Variants in AHCYL1 observed in about 807,000 individuals in gnomAD.
AHCYL1 encodes S-adenosylhomocysteine hydrolase-like protein 1.
Under a neutral mutation model 79.3 loss-of-function variants are expected in AHCYL1, and 20 were observed. That is an observed-to-expected ratio of 0.25 (90% CI 0.18 to 0.37). The LOEUF (loss-of-function observed/expected upper bound fraction) is 0.37. Ranked by LOEUF, AHCYL1 falls within the 10% of genes least tolerant of loss-of-function variation. AHCYL1 has a pLI of 1.00. For synonymous variants in AHCYL1, 223 were observed against 242.2 expected (o/e 0.92, Z 0.74); for missense variants, 330 against 673.6 (o/e 0.49, Z 5.65).
intron 1 of AHCYL1, among the ~76,000 whole-genome samples, chr1:109,991,100 G>T (rs1217300379): frequency 6.6e-6 from 1 of 152,038 alleles, no homozygotes; most frequent in Admixed American, 6.6e-5. Context: ...TTTCATTTTT[G>T]TTTCTATCTC....
intron 5 of AHCYL1, 98 bp downstream of exon 5, chr1:110,013,097 T>G: frequency 1.2e-6 from 1 of 835,754 alleles, no homozygotes; most frequent in Non-Finnish European, 1.8e-6. Flanking sequence ...CATATATGTC[T>G]AGAGGCTATA....
chr1:109,988,155 T>C (rs1649568966), intron 1 of AHCYL1, among the ~76,000 whole-genome samples: 1 of 152,230 alleles, frequency 6.6e-6, no homozygotes, highest in Non-Finnish European at 1.5e-5. Context: ...AAAAGAATCA[T>C]AGTTACAGTC....
At chr1:110,014,674 C>G in intron 5 of AHCYL1, 89 bp from the exon 6 acceptor site, 1 of 965,424 alleles carries the variant, frequency 1.0e-6, no homozygotes, top group Non-Finnish European at 1.6e-6. Flanking sequence ...TTTCTTTTGC[C>G]TTTTTCTCTT....
At chr1:110,007,072 G>GT (rs529201790) in intron 1 of AHCYL1, among the ~76,000 whole-genome samples, 163 of 152,246 alleles carry the variant, frequency 1.1e-3, no homozygotes, top group African/African-American at 3.8e-3. Flanking sequence ...TGACTATTCG[G>GT]TTTTTAAGTT....
intron 1 of AHCYL1, among the ~76,000 whole-genome samples, chr1:109,992,603 C>T (rs927106695): frequency 6.6e-6 from 1 of 152,034 alleles, no homozygotes; most frequent in African/African-American, 2.4e-5. Context: ...ATCTTTGTTT[C>T]TAATTTTAGA....
At chr1:110,004,371 G>A (rs918546520) in intron 1 of AHCYL1, 74 of 985,372 alleles carry the variant, frequency 7.5e-5, no homozygotes, top group Non-Finnish European at 8.6e-5. Context: ...TTCTGCACAA[G>A]GGAATGGAAG....
chr1:110,009,945 G>A (rs1232571858), intron 2 of AHCYL1, among the ~76,000 whole-genome samples: 1 of 152,208 alleles, frequency 6.6e-6, no homozygotes, highest in Non-Finnish European at 1.5e-5. Context: ...ATTAATGTCA[G>A]CAGAGATATT....
intron 1 of AHCYL1, among the ~76,000 whole-genome samples, chr1:110,002,541 G>A (rs1182975423): frequency 6.6e-6 from 1 of 152,226 alleles, no homozygotes; most frequent in African/African-American, 2.4e-5. Context: ...GCCAGCTAAT[G>A]TGGAAGCATT....
At chr1:110,001,599 C>T (rs1557764483) in intron 1 of AHCYL1, among the ~76,000 whole-genome samples, 1 of 152,056 alleles carries the variant, frequency 6.6e-6, no homozygotes. Flanking sequence ...TATCATGCTA[C>T]CTTTTGAGTA....
chr1:109,994,978 T>G (rs1373084541), intron 1 of AHCYL1, among the ~76,000 whole-genome samples: 1 of 152,152 alleles, frequency 6.6e-6, no homozygotes, highest in Non-Finnish European at 1.5e-5. Flanking sequence ...GTATTGTAAG[T>G]CCAAGGAAAA....
intron 1 of AHCYL1, among the ~76,000 whole-genome samples, chr1:110,003,348 TAGAG>T (rs926068654): frequency 6.6e-6 from 1 of 152,142 alleles, no homozygotes; most frequent in Admixed American, 6.5e-5. Flanking sequence ...TGTATATATA[TAGAG>T]AGAGAAAAAA....
chr1:110,019,217 C>A, intron 14 of AHCYL1, 98 bp downstream of exon 14: 1 of 1,221,148 alleles, frequency 8.2e-7, no homozygotes, highest in Non-Finnish European at 1.2e-6. Context: ...TCTCATCATC[C>A]TATTCTTTTT....
intron 1 of AHCYL1, chr1:110,004,204 G>A: frequency 1.0e-6 from 1 of 985,632 alleles, no homozygotes. Context: ...AGAGGCGGGA[G>A]TCGGCGGGGG....
intron 1 of AHCYL1, among the ~76,000 whole-genome samples, chr1:109,990,593 T>G (rs1017174080): frequency 6.6e-6 from 1 of 152,226 alleles, no homozygotes; most frequent in African/African-American, 2.4e-5. Flanking sequence ...AATTTTTTTC[T>G]GACAAAAATG....
intron 11 of AHCYL1, 147 bp from the exon 12 acceptor site, chr1:110,018,226 A>G: frequency 1.1e-6 from 1 of 891,146 alleles, no homozygotes; most frequent in Non-Finnish European, 1.7e-6. Flanking sequence ...CAGATAGCCT[A>G]AGGAGCGGTT....
Position 109,985,006 on chromosome 1 carries a change from A to G in AHCYL1, c.-47A>G, listed in dbSNP as rs1030087884. 3 of 1,476,808 alleles carry G rather than the reference A, an allele frequency of 2.0e-6. No homozygotes were observed. 91.5% of individuals were successfully genotyped at this position (1,476,808 alleles called of 1,614,324 possible). A position where few individuals can be genotyped will look rare whatever the true frequency, so the allele number is the denominator to read the frequency against. Reference sequence around the variant, plus strand: ...GCAGGCGGGCGGGCGCCAGAGGGGGAAAGAGGCGGGGGCGGCGGGTCAGCC... The same window carrying G: ...GCAGGCGGGCGGGCGCCAGAGGGGGGAAGAGGCGGGGGCGGCGGGTCAGCC... On this transcript the variant is annotated 5_prime_UTR_variant, in exon 1 of 17. Coordinates refer to ENST00000369799, the MANE Select transcript of AHCYL1 (RefSeq NM_006621.7).
At chr1:110,017,686 G>C in intron 10 of AHCYL1, 103 bp downstream of exon 10, 1 of 1,268,202 alleles carries the variant, frequency 7.9e-7, no homozygotes, top group Non-Finnish European at 1.1e-6. Flanking sequence ...ATCACCTAGG[G>C]GAAGAGAAGG....
At chr1:110,018,089 AAGG>A in intron 11 of AHCYL1, 73 bp downstream of exon 11, 1 of 1,490,934 alleles carries the variant, frequency 6.7e-7, no homozygotes, top group South Asian at 1.1e-5. Context: ...CTTTCATACA[AAGG>A]AGGTGAGACC....
intron 1 of AHCYL1, chr1:109,985,416 C>T (rs1304220463): frequency 1.6e-6 from 2 of 1,237,404 alleles, no homozygotes; most frequent in Non-Finnish European, 1.0e-6. Flanking sequence ...CAGGGCCAGG[C>T]CTTAAATTTG....
Sources: allele counts gnomAD v4.1 joint callset (sites outside exome capture counted in the v4.1 genomes callset), GRCh38; gene constraint gnomAD v4.1.1; transcripts MANE v1.5; gene names NCBI Gene and HGNC (gene_info 2026-07-23, HGNC 2026-07-21).